Variants in RBPJ observed in about 807,000 individuals in gnomAD.
The protein encoded by RBPJ is recombining binding protein suppressor of hairless.
In RBPJ, 9 loss-of-function variants were observed where a neutral mutation model predicts 67.8. That is an observed-to-expected ratio of 0.13 (90% CI 0.08 to 0.23). The LOEUF (loss-of-function observed/expected upper bound fraction) is 0.23, where lower values mean the gene tolerates loss of function less well. RBPJ is among the 10% of genes least tolerant of loss of function. The pLI is 1.00. For missense variants in RBPJ, 305 were observed against 595.6 expected (o/e 0.51, Z 5.08); for synonymous variants, 198 against 203.3 (o/e 0.97, Z 0.22).
chr4:26,154,078 C>A, the RBPJ span, among the ~76,000 whole-genome samples: 1 of 152,192 alleles, frequency 6.6e-6, no homozygotes, highest in African/African-American at 2.4e-5. Flanking sequence ...TAAGAACTCC[C>A]GCTCAGCTGC....
chr4:26,416,517 A>G (rs1234076326), intron 4 of RBPJ, among the ~76,000 whole-genome samples: 1 of 152,210 alleles, frequency 6.6e-6, no homozygotes, highest in Admixed American at 6.5e-5. Context: ...GGTGTGTGCC[A>G]CCGTGTCCAG....
chr4:26,109,729 C>CTCTA, the RBPJ span, among the ~76,000 whole-genome samples: 12 of 66,060 alleles, frequency 1.8e-4, no homozygotes, highest in African/African-American at 4.9e-4. Flanking sequence ...CTCTCTCTCT[C>CTCTA]TATATATATA....
At chr4:26,244,649 A>T (rs562873028) in intron 1 of RBPJ, among the ~76,000 whole-genome samples, 1 of 152,196 alleles carries the variant, frequency 6.6e-6, no homozygotes, top group South Asian at 2.1e-4. Context: ...TTCTTTTAAG[A>T]TGGAGTCTCG....
At position 26,192,006 on chromosome 4, in the gene RBPJ, T is replaced by TA. The variant is rs1157193171; in HGVS notation, c.-167+28396dup. On this transcript the variant is annotated intron_variant, in intron 1 of 4. Transcript: ENST00000512351. Reference sequence around the variant, plus strand: ...CTATACATTTGTTTGTCCCATTCTTTAAAATTTTTTTTTTTTTTTTGAGGC... The same window carrying TA: ...CTATACATTTGTTTGTCCCATTCTTTAAAAATTTTTTTTTTTTTTTTGAGGC... 7.9e-3 allele frequency among the ~76,000 whole-genome samples: 1,017 copies of TA among 129,310 alleles called. 5 individuals carry two copies. Among genetic ancestry groups the TA allele is most frequent in the Non-Finnish European group, 0.012 (733 of 63,422 alleles). 84.8% of individuals were successfully genotyped at this position (129,310 alleles called of 152,430 possible). A position where few individuals can be genotyped will look rare whatever the true frequency, so the allele number is the denominator to read the frequency against.
intron 5 of RBPJ, among the ~76,000 whole-genome samples, chr4:26,421,643 C>T (rs1735147715): frequency 6.6e-6 from 1 of 152,094 alleles, no homozygotes; most frequent in Non-Finnish European, 1.5e-5. Flanking sequence ...ATTAGCCACC[C>T]AGCCTCAACA....
chr4:26,151,892 C>T, the RBPJ span, among the ~76,000 whole-genome samples: 1 of 152,206 alleles, frequency 6.6e-6, no homozygotes, highest in South Asian at 2.1e-4. Flanking sequence ...ATTCAGTGAG[C>T]AACTCAGTGA....
chr4:26,161,609 A>C (rs1056994723), upstream of RBPJ, among the ~76,000 whole-genome samples: 4 of 152,178 alleles, frequency 2.6e-5, no homozygotes, highest in Non-Finnish European at 5.9e-5. Context: ...AAGTGGATGG[A>C]GCTGTTACTG....
At chr4:26,258,437 G>A (rs1424736618) in intron 1 of RBPJ, among the ~76,000 whole-genome samples, 1 of 152,160 alleles carries the variant, frequency 6.6e-6, no homozygotes, top group Admixed American at 6.5e-5. Context: ...AGTACATTGT[G>A]CAGAGCTCTC....
chr4:26,242,244 G>A (rs1175436533), intron 1 of RBPJ, among the ~76,000 whole-genome samples: 4 of 151,962 alleles, frequency 2.6e-5, no homozygotes, highest in Non-Finnish European at 4.4e-5. Flanking sequence ...TCAGGAGATC[G>A]AGACCATCCT....
the RBPJ span, among the ~76,000 whole-genome samples, chr4:26,143,199 G>C: frequency 6.6e-6 from 1 of 152,126 alleles, no homozygotes; most frequent in Non-Finnish European, 1.5e-5. Context: ...TTATCTCTCT[G>C]CTCCCTCAGT....
upstream of RBPJ, among the ~76,000 whole-genome samples, chr4:26,315,444 G>A (rs1157588980): frequency 6.6e-6 from 1 of 151,852 alleles, no homozygotes; most frequent in Non-Finnish European, 1.5e-5. Flanking sequence ...ACAGGGAGTA[G>A]TTCACAAAGA....
At chr4:26,320,215 C>T (rs1282335625), upstream of RBPJ, among the ~76,000 whole-genome samples, 4 of 152,236 alleles carry the variant, frequency 2.6e-5, no homozygotes, top group African/African-American at 2.4e-5. Context: ...GTTTTCCCTT[C>T]TGGAGAGAAC....
intron 1 of RBPJ, among the ~76,000 whole-genome samples, chr4:26,335,094 C>T (rs967732138): frequency 2.0e-5 from 3 of 152,156 alleles, no homozygotes; most frequent in African/African-American, 7.2e-5. Context: ...TGTTATAGTG[C>T]TGTTGTCCAT....
intron 1 of RBPJ, among the ~76,000 whole-genome samples, chr4:26,197,135 G>A (rs1283787945): frequency 6.6e-6 from 1 of 152,128 alleles, no homozygotes; most frequent in East Asian, 1.9e-4. Context: ...TCATTATAAT[G>A]GAGTATAGCT....
At chr4:26,299,191 T>TTAGGAAAGTTAA (rs1721985866) in intron 1 of RBPJ, among the ~76,000 whole-genome samples, 1 of 152,232 alleles carries the variant, frequency 6.6e-6, no homozygotes, top group South Asian at 2.1e-4. Flanking sequence ...TCTTACTTTC[T>TTAGGAAAGTTAA]TAGGAAAGTT....
chr4:26,332,741 C>T (rs957475217), intron 1 of RBPJ, among the ~76,000 whole-genome samples: 8 of 152,176 alleles, frequency 5.3e-5, no homozygotes, highest in Non-Finnish European at 1.0e-4. Context: ...GCCTGAAACT[C>T]CTGGACTCAA....
At chr4:26,132,950 G>A in the RBPJ span, among the ~76,000 whole-genome samples, 1 of 152,142 alleles carries the variant, frequency 6.6e-6, no homozygotes, top group Non-Finnish European at 1.5e-5. Flanking sequence ...TGGTAGCTCT[G>A]CCTCCCTTTG....
At chr4:26,320,762 C>T, upstream of RBPJ, 2 of 1,554,318 alleles carry the variant, frequency 1.3e-6, no homozygotes, top group Non-Finnish European at 1.7e-6. Flanking sequence ...TCCCCATGGA[C>T]CACACGGAGG....
In RBPJ at chr4:26,434,161, A is replaced by T. The variant is rs1736473039; in HGVS notation, c.*3154A>T. 6.6e-6 allele frequency: 1 copy of T among 152,224 alleles called. No homozygotes were observed. The highest frequency in any genetic ancestry group is 2.1e-4 in the South Asian group (1 of 4,826). The allele number at this position is 152,224 out of a possible 1,614,324, so 9.4% of individuals were successfully genotyped here. A position where few individuals can be genotyped will look rare whatever the true frequency, so the allele number is the denominator to read the frequency against. ...TCTAAATTTGCTGCTCACTTTCTTT[A>T]AACTGTGGCAATTAAAGGCATGTTT... On this transcript the variant is annotated 3_prime_UTR_variant, in exon 11 of 11. Coordinates refer to ENST00000355476, the MANE Select transcript of RBPJ (RefSeq NM_015874.6).
Sources: gnomAD v4.1 joint callset for allele counts (sites outside exome capture counted in the v4.1 genomes callset) on GRCh38, gnomAD v4.1.1 for gene constraint, MANE v1.5 for transcripts, NCBI Gene and HGNC (gene_info 2026-07-23, HGNC 2026-07-21) for gene names.